CUX2: variants seen among roughly 807,000 people sequenced by gnomAD.
CUX2 encodes the protein homeobox protein cut-like 2.
CUX2 carries 40 observed loss-of-function variants against 144.8 expected under a neutral mutation model. That is an observed-to-expected ratio of 0.28 (90% CI 0.21 to 0.36). The LOEUF (loss-of-function observed/expected upper bound fraction) is 0.36. CUX2 is among the 10% of genes least tolerant of loss of function. The pLI is 1.00. For synonymous variants in CUX2, 827 were observed against 875.6 expected (o/e 0.94, Z 0.98); for missense variants, 1,615 against 1,994.0 (o/e 0.81, Z 3.62).
chr12:111,180,782 C>T (rs1307136393), intron 1 of CUX2, among the ~76,000 whole-genome samples: 1 of 152,200 alleles, frequency 6.6e-6, no homozygotes, highest in African/African-American at 2.4e-5. Flanking sequence ...CCAAGGTTGC[C>T]TCCCCTCCTC....
intron 3 of CUX2, among the ~76,000 whole-genome samples, chr12:111,245,624 A>G (rs1012839692): frequency 6.6e-6 from 1 of 152,152 alleles, no homozygotes; most frequent in Non-Finnish European, 1.5e-5. Flanking sequence ...TGTCTCAAAG[A>G]AAAATGATGC....
chr12:111,135,221 T>G (rs1226001528), intron 1 of CUX2, among the ~76,000 whole-genome samples: 7 of 140,562 alleles, frequency 5.0e-5, no homozygotes, highest in South Asian at 2.5e-4. Context: ...GAAGAAAGAA[T>G]GGGGTGCAGG....
chr12:111,326,387 G>T (rs1157887106), intron 18 of CUX2, among the ~76,000 whole-genome samples: 1 of 93,400 alleles, frequency 1.1e-5, no homozygotes, highest in Non-Finnish European at 2.1e-5. Flanking sequence ...TTGTGGGGGA[G>T]GGGTGGGTTT....
intron 9 of CUX2, 141 bp downstream of exon 9, chr12:111,298,730 GCCAGGAGGAGTCTGGGCC>G: frequency 1.0e-6 from 1 of 955,890 alleles, no homozygotes. Flanking sequence ...AAGTGAGGGA[GCCAGGAGGAGTCTGGGCC>G]CCAGGCCCTG....
intron 3 of CUX2, among the ~76,000 whole-genome samples, chr12:111,240,141 G>A (rs1040603353): frequency 2.0e-5 from 3 of 152,246 alleles, no homozygotes; most frequent in African/African-American, 7.2e-5. Flanking sequence ...CAAGGTGAGA[G>A]GATTTGCTTG....
At chr12:111,116,039 C>T (rs1424262176) in intron 1 of CUX2, among the ~76,000 whole-genome samples, 1 of 152,190 alleles carries the variant, frequency 6.6e-6, no homozygotes, top group Non-Finnish European at 1.5e-5. Flanking sequence ...AAGCCCTAAT[C>T]CCTCACCCCT....
At chr12:111,176,323 C>T (rs1327989524) in intron 1 of CUX2, among the ~76,000 whole-genome samples, 2 of 152,140 alleles carry the variant, frequency 1.3e-5, no homozygotes, top group Admixed American at 6.5e-5. Flanking sequence ...GCTGAGATTA[C>T]AGGTGTGAGC....
chr12:111,193,929 C>T (rs4766551), intron 1 of CUX2, among the ~76,000 whole-genome samples: 24,160 of 146,702 alleles, frequency 0.16, 2,282 homozygotes, highest in East Asian at 0.45. Context: ...TGAAGGAAAC[C>T]AACATTCTGG....
chr12:111,288,227 T>TG (rs1885494357), intron 4 of CUX2, among the ~76,000 whole-genome samples: 1 of 151,476 alleles, frequency 6.6e-6, no homozygotes, highest in South Asian at 2.1e-4. Flanking sequence ...GGGTCTGAGG[T>TG]GGGAAGGTAA....
intron 1 of CUX2, among the ~76,000 whole-genome samples, chr12:111,075,502 C>A (rs1179874271): frequency 1.3e-5 from 2 of 152,082 alleles, no homozygotes; most frequent in East Asian, 3.9e-4. Flanking sequence ...TGGGTGCCTT[C>A]CCCGGCAATG....
intron 3 of CUX2, among the ~76,000 whole-genome samples, chr12:111,259,464 G>C (rs147386389): frequency 6.6e-6 from 1 of 152,174 alleles, no homozygotes; most frequent in East Asian, 1.9e-4. Flanking sequence ...TTCACACCAA[G>C]GACCAAAGAT....
intron 1 of CUX2, among the ~76,000 whole-genome samples, chr12:111,112,249 GCT>G (rs1356436995): frequency 2.6e-5 from 4 of 152,018 alleles, no homozygotes; most frequent in Non-Finnish European, 4.4e-5. Context: ...TGGGTTTTAT[GCT>G]CTGTTTGGTA....
intron 3 of CUX2, among the ~76,000 whole-genome samples, chr12:111,244,440 G>T (rs948705446): frequency 2.0e-5 from 3 of 152,246 alleles, no homozygotes; most frequent in Non-Finnish European, 4.4e-5. Flanking sequence ...AGATAGCACT[G>T]TGCTCATGAG....
Position 111,055,524 on chromosome 12 carries a change from T to TGAGCA in CUX2, c.63+21295_63+21299dup, listed in dbSNP as rs772039905. 5.2e-5 allele frequency among the ~76,000 whole-genome samples: 8 copies of TGAGCA among 152,390 alleles called. 1 individual carries two copies. The South Asian group carries it at 1.7e-3, about 32-fold the overall frequency. ...TCATCTCTGGAAAAAAATTATTCTC[T>TGAGCA]GAGCAGAGCAGAGCATCTTGGCATA... On this transcript the variant is annotated intron_variant, in intron 1 of 21. Transcript: ENST00000261726.
intron 1 of CUX2, among the ~76,000 whole-genome samples, chr12:111,072,843 G>C (rs1172425650): frequency 6.6e-6 from 1 of 152,154 alleles, no homozygotes; most frequent in Non-Finnish European, 1.5e-5. Flanking sequence ...CTGCTGGGGG[G>C]CACACACATT....
chr12:111,309,223 C>T (rs1190739832), intron 14 of CUX2, among the ~76,000 whole-genome samples: 1 of 152,218 alleles, frequency 6.6e-6, no homozygotes, highest in African/African-American at 2.4e-5. Context: ...AACTTTTAGC[C>T]TTGTGGCCCC....
chr12:111,288,933 G>A (rs1478535748), intron 4 of CUX2, among the ~76,000 whole-genome samples: 2 of 151,600 alleles, frequency 1.3e-5, no homozygotes, highest in South Asian at 2.1e-4. Context: ...ACTGCACTCC[G>A]GCCTGGGCAA....
intron 3 of CUX2, among the ~76,000 whole-genome samples, chr12:111,259,102 C>T (rs1883984914): frequency 6.7e-6 from 1 of 149,874 alleles, no homozygotes; most frequent in Non-Finnish European, 1.5e-5. Context: ...TAGGGTCTTG[C>T]TATGTTGCCA....
At chr12:111,151,213 A>C (rs1044017424) in intron 1 of CUX2, among the ~76,000 whole-genome samples, 3 of 152,248 alleles carry the variant, frequency 2.0e-5, no homozygotes, top group Admixed American at 6.5e-5. Flanking sequence ...CCTGTCAGCT[A>C]TTCCGGTTTC....
Sources: gnomAD v4.1 joint callset for allele counts (sites outside exome capture counted in the v4.1 genomes callset) on GRCh38, gnomAD v4.1.1 for gene constraint, MANE v1.5 for transcripts, NCBI Gene and HGNC (gene_info 2026-07-23, HGNC 2026-07-21) for gene names.